ARL15: variants seen among roughly 807,000 people sequenced by gnomAD.
ARL15 encodes ARF like GTPase 15.
A neutral mutation model predicts 25.2 loss-of-function variants in ARL15; 19 were observed. That is an observed-to-expected ratio of 0.75 (90% CI 0.53 to 1.10). ARL15 has a LOEUF of 1.10. Ranked by LOEUF, ARL15 falls within the 50% of genes least tolerant of loss-of-function variation. The probability of loss-of-function intolerance (pLI) is 0.00; values close to 1 mark genes in which losing one functional copy is unlikely to be tolerated. For synonymous variants in ARL15, 94 were observed against 86.8 expected (o/e 1.08, Z -0.46); for missense variants, 220 against 246.0 (o/e 0.89, Z 0.71).
At position 54,113,334 on chromosome 5, in the gene ARL15, G is replaced by T. The variant is rs769056938; in HGVS notation, c.330C>A (p.Ala110=). 1.2e-6 allele frequency: 2 copies of T among 1,613,956 alleles called. No homozygotes were observed. Among genetic ancestry groups the T allele is most frequent in the Non-Finnish European group, 1.7e-6 (2 of 1,179,874 alleles). ...CAGCTTCTAAATCATCCTCTGAAGAGGCACTGTCTAATACAAATATTACCC... is the reference window on the plus strand; with the variant it reads ...CAGCTTCTAAATCATCCTCTGAAGATGCACTGTCTAATACAAATATTACCC... ...SQGVIFVLDS[A]SSEDDLEAAR... Residue 110 remains alanine, a synonymous_variant, in exon 4 of 5, where the codon GCC becomes GCA. Coordinates refer to ENST00000504924, the MANE Select transcript of ARL15 (RefSeq NM_019087.3).
chr5:54,268,926 A>G (rs1452983853), intron 1 of ARL15, among the ~76,000 whole-genome samples: 1 of 152,240 alleles, frequency 6.6e-6, no homozygotes, highest in Non-Finnish European at 1.5e-5. Flanking sequence ...TTCTAGGGAC[A>G]TGGATGAAAT....
chr5:54,274,943 C>G lies in ARL15; in HGVS notation c.48+35489G>C, dbSNP rs532344724. Among the ~76,000 whole-genome samples the G allele has an allele frequency of 2.0e-5, 3 of 152,230 alleles. 1 individual carries two copies. The highest frequency in any genetic ancestry group is 6.5e-5 in the Admixed American group (1 of 15,288). On this transcript the variant is annotated intron_variant, in intron 1 of 4. Transcript: ENST00000504924. ...TTTCCTAGGTTATAAAACACATAAC[C>G]CCTCACTTCTACCCACAGAAATAAA...
At chr5:53,916,564 T>C (rs1276056011) in intron 4 of ARL15, among the ~76,000 whole-genome samples, 1 of 152,096 alleles carries the variant, frequency 6.6e-6, no homozygotes, top group African/African-American at 2.4e-5. Flanking sequence ...AAAGTATTAT[T>C]ATTATTATTT....
intron 1 of ARL15, among the ~76,000 whole-genome samples, chr5:54,304,246 G>A (rs920945001): frequency 2.6e-5 from 4 of 152,216 alleles, no homozygotes; most frequent in Non-Finnish European, 5.9e-5. Flanking sequence ...GGCCACAAGC[G>A]CAGTTCAACT....
At chr5:54,054,220 C>T (rs1239465000) in intron 4 of ARL15, among the ~76,000 whole-genome samples, 1 of 152,128 alleles carries the variant, frequency 6.6e-6, no homozygotes, top group Non-Finnish European at 1.5e-5. Context: ...AATATCTTTC[C>T]TCGTTTTAGC....
chr5:54,165,004 T>A (rs1279671925), intron 2 of ARL15, among the ~76,000 whole-genome samples: 2 of 151,970 alleles, frequency 1.3e-5, no homozygotes, highest in Non-Finnish European at 2.9e-5. Flanking sequence ...CATTTGTTGC[T>A]TTATGGGCTC....
At chr5:54,113,108 C>T in intron 4 of ARL15, 94 bp downstream of exon 4, 1 of 1,223,184 alleles carries the variant, frequency 8.2e-7, no homozygotes, top group Non-Finnish European at 1.1e-6. Flanking sequence ...GCATAACCAG[C>T]ACATTCCTAA....
At chr5:54,243,612 G>T (rs912305102) in intron 1 of ARL15, among the ~76,000 whole-genome samples, 1 of 152,170 alleles carries the variant, frequency 6.6e-6, no homozygotes, top group African/African-American at 2.4e-5. Context: ...CAAAAGCAGG[G>T]ACCAAGGAAA....
At chr5:54,044,043 C>A (rs940238106) in intron 4 of ARL15, among the ~76,000 whole-genome samples, 1 of 151,960 alleles carries the variant, frequency 6.6e-6, no homozygotes, top group Non-Finnish European at 1.5e-5. Flanking sequence ...CTCGTCACTC[C>A]TATTGCATCA....
intron 1 of ARL15, among the ~76,000 whole-genome samples, chr5:54,265,016 T>C (rs1367923328): frequency 4.6e-5 from 7 of 152,200 alleles, no homozygotes; most frequent in Non-Finnish European, 7.3e-5. Context: ...TACCATGCCA[T>C]AGTTAAATGT....
intron 2 of ARL15, among the ~76,000 whole-genome samples, chr5:54,169,221 T>G (rs1220759529): frequency 1.3e-5 from 2 of 152,236 alleles, no homozygotes; most frequent in Non-Finnish European, 2.9e-5. Flanking sequence ...GCAATAGTGC[T>G]AGAAGATAAC....
chr5:54,225,494 G>A (rs980253705), intron 1 of ARL15, among the ~76,000 whole-genome samples: 4 of 152,158 alleles, frequency 2.6e-5, no homozygotes, highest in African/African-American at 9.6e-5. Context: ...CTTGGCCAGA[G>A]GGCTAAGGAA....
rs1258516174 is a variant in ARL15 at position 54,090,406 on chromosome 5, G to T, written c.462+22796C>A. ...TATATTATTTGGAGATGTATATATG[G>T]GTGGCAGAAGTATTGAAAAGCAAAA... On this transcript the variant is annotated intron_variant, in intron 4 of 4. Coordinates refer to ENST00000504924, the MANE Select transcript of ARL15 (RefSeq NM_019087.3). 2.6e-5 allele frequency among the ~76,000 whole-genome samples: 4 copies of T among 151,364 alleles called. No individual in the cohort carries two copies. The East Asian group carries it at 7.8e-4, about 29-fold the overall frequency.
chr5:53,918,557 G>A (rs772625973), intron 4 of ARL15, among the ~76,000 whole-genome samples: 1 of 152,106 alleles, frequency 6.6e-6, no homozygotes, highest in Non-Finnish European at 1.5e-5. Context: ...ACATAAATGT[G>A]ATAATGAGAG....
rs150553567 is a variant in ARL15, at chr5:54,220,408, T to A, written c.49-48480A>T. Among the ~76,000 whole-genome samples the A allele has an allele frequency of 1.4e-4, 22 of 152,310 alleles. No individual in the cohort carries two copies. In the East Asian group the frequency reaches 3.5e-3, roughly 24 times the overall value. ...CAGCTTTCCAGAGTCAATGGTTTAA[T>A]CTAAGTGGAGTCAGCTACTGAACTT... On this transcript the variant is annotated intron_variant, in intron 1 of 4. Transcript: ENST00000504924.
rs142175008 is a variant in ARL15 at position 54,254,864 on chromosome 5, T to A, written c.48+55568A>T. On this transcript the variant is annotated intron_variant, in intron 1 of 4. Coordinates refer to ENST00000504924, the MANE Select transcript of ARL15 (RefSeq NM_019087.3). ...TGCAAATCATATTAGTGAAGGTTGCTTTTTGCATTAGAGCAACTGTGCTCT... is the reference window on the plus strand; with the variant it reads ...TGCAAATCATATTAGTGAAGGTTGCATTTTGCATTAGAGCAACTGTGCTCT... 3.5e-3 allele frequency among the ~76,000 whole-genome samples: 534 copies of A among 152,352 alleles called. 3 individuals are homozygous for A. The highest frequency in any genetic ancestry group is 0.011 in the African/African-American group (476 of 41,580).
chr5:54,288,734 G>A (rs1758245540), intron 1 of ARL15, among the ~76,000 whole-genome samples: 2 of 152,176 alleles, frequency 1.3e-5, no homozygotes, highest in East Asian at 1.9e-4. Context: ...CGCAGATGCA[G>A]TGTCACTCAC....
intron 1 of ARL15, among the ~76,000 whole-genome samples, chr5:54,262,795 A>T (rs541725675): frequency 6.6e-6 from 1 of 152,320 alleles, no homozygotes; most frequent in East Asian, 1.9e-4. Context: ...CCCCACAAAA[A>T]ATTTCCATTT....
chr5:54,105,301 G>T (rs898604885), intron 4 of ARL15, among the ~76,000 whole-genome samples: 3 of 151,934 alleles, frequency 2.0e-5, no homozygotes, highest in African/African-American at 7.2e-5. Flanking sequence ...TTTGTTGAAT[G>T]AGGATTAATG....
Sources: allele counts gnomAD v4.1 joint callset (sites outside exome capture counted in the v4.1 genomes callset), GRCh38; gene constraint gnomAD v4.1.1; transcripts MANE v1.5; gene names NCBI Gene and HGNC (gene_info 2026-07-23, HGNC 2026-07-21).